The following RCAN2 variants were observed in gnomAD, a reference collection of about 807,000 sequenced individuals.
RCAN2 encodes calcipressin-2.
RCAN2 carries 9 observed loss-of-function variants against 23.6 expected under a neutral mutation model. That is an observed-to-expected ratio of 0.38 (90% CI 0.23 to 0.67). The LOEUF is 0.67. RCAN2 is among the 30% of genes least tolerant of loss of function. RCAN2 has a pLI of 0.51. For synonymous variants in RCAN2, 109 were observed against 115.7 expected (o/e 0.94, Z 0.37); for missense variants, 273 against 302.3 (o/e 0.90, Z 0.72).
Position 46,467,747 on chromosome 6 carries a change from A to T in RCAN2, c.-2-10769T>A, listed in dbSNP as rs544213952. Among the ~76,000 whole-genome samples, 10 of 152,372 alleles carry T rather than the reference A, an allele frequency of 6.6e-5. 1 individual carries two copies. In the East Asian group the frequency reaches 1.5e-3, roughly 23 times the overall value. ...CTGTTCCTTGGATTAAATGTTACAC[A>T]TCTTACCATTCTTCTCCCTCTCACC... On this transcript the variant is annotated intron_variant, in intron 1 of 4. Coordinates refer to ENST00000371374, the MANE Select transcript of RCAN2 (RefSeq NM_001251974.2).
intron 4 of RCAN2, among the ~76,000 whole-genome samples, chr6:46,232,572 A>T (rs1337590628): frequency 6.6e-6 from 1 of 152,074 alleles, no homozygotes. Context: ...TGGGCAGGTC[A>T]CTTGAGGTTG....
chr6:46,357,467 A>T (rs1209108141), intron 2 of RCAN2, among the ~76,000 whole-genome samples: 1 of 152,194 alleles, frequency 6.6e-6, no homozygotes, highest in Non-Finnish European at 1.5e-5. Context: ...TTTTGTTTTT[A>T]ATGAAGAGTC....
intron 2 of RCAN2, among the ~76,000 whole-genome samples, chr6:46,345,329 A>G (rs1764449182): frequency 6.6e-6 from 1 of 152,140 alleles, no homozygotes; most frequent in Admixed American, 6.5e-5. Flanking sequence ...TTTCTCAGAA[A>G]TTGATAGAAA....
chr6:46,324,999 G>A (rs1763743846), intron 2 of RCAN2, among the ~76,000 whole-genome samples: 1 of 152,214 alleles, frequency 6.6e-6, no homozygotes, highest in Admixed American at 6.5e-5. Context: ...CCACTGTCAG[G>A]CTGGCCTGGA....
chr6:46,317,657 G>T (rs990904188), intron 2 of RCAN2, among the ~76,000 whole-genome samples: 1 of 151,984 alleles, frequency 6.6e-6, no homozygotes, highest in South Asian at 2.1e-4. Flanking sequence ...AGTAGAGACG[G>T]GGTTTCACCG....
At chr6:46,249,734 G>A (rs1325921342) in intron 2 of RCAN2, among the ~76,000 whole-genome samples, 1 of 152,162 alleles carries the variant, frequency 6.6e-6, no homozygotes. Context: ...GTAGAGTGCA[G>A]AAGAAAGCCC....
chr6:46,406,315 C>A (rs150863169), intron 2 of RCAN2, among the ~76,000 whole-genome samples: 1 of 152,220 alleles, frequency 6.6e-6, no homozygotes, highest in African/African-American at 2.4e-5. Context: ...AGTGCCAGCA[C>A]GCTGTCACCT....
chr6:46,437,100 C>T (rs1246569168), intron 2 of RCAN2, among the ~76,000 whole-genome samples: 3 of 152,152 alleles, frequency 2.0e-5, no homozygotes, highest in Non-Finnish European at 2.9e-5. Context: ...ACTCAGAAGC[C>T]ATTAGTACTC....
At chr6:46,491,476 G>T (rs1046699103), upstream of RCAN2, 1 of 152,128 alleles carries the variant, frequency 6.6e-6, no homozygotes, top group Admixed American at 6.5e-5. Context: ...GGCGGCTCTC[G>T]CAGGAGCCGG....
In RCAN2 at chr6:46,223,063, G is replaced by C. The variant is rs373569682; in HGVS notation, c.*78C>G. The C allele has an allele frequency of 6.0e-6, 9 of 1,506,178 alleles. No homozygotes were observed. The highest frequency in any genetic ancestry group is 2.3e-5 in the East Asian group (1 of 44,164). 93.3% of individuals were successfully genotyped at this position (1,506,178 alleles called of 1,614,324 possible). ...CAACCAAACACCCAGGAATTTAAAGGCAATTTTTTTTGACAAACAACAGGG... is the reference window on the plus strand; with the variant it reads ...CAACCAAACACCCAGGAATTTAAAGCCAATTTTTTTTGACAAACAACAGGG... On this transcript the variant is annotated 3_prime_UTR_variant, in exon 5 of 5. Coordinates refer to ENST00000371374, the MANE Select transcript of RCAN2 (RefSeq NM_001251974.2).
chr6:46,266,543 A>G (rs1035133372), intron 2 of RCAN2, among the ~76,000 whole-genome samples: 1 of 152,130 alleles, frequency 6.6e-6, no homozygotes, highest in African/African-American at 2.4e-5. Context: ...GTGACCCCCA[A>G]TCTGCCTAGG....
intron 2 of RCAN2, among the ~76,000 whole-genome samples, chr6:46,263,725 T>A (rs1767222725): frequency 2.6e-5 from 2 of 75,594 alleles, no homozygotes; most frequent in African/African-American, 9.4e-5. Context: ...TAATATGATG[T>A]TGTTTCTAAA....
At position 46,263,495 on chromosome 6, in the gene RCAN2, ATG is replaced by A. The variant is rs1404616117; in HGVS notation, c.226-14601_226-14600del. Among the ~76,000 whole-genome samples, 226 of 69,848 alleles carry A rather than the reference ATG, an allele frequency of 3.2e-3. 1 individual carries two copies. Among genetic ancestry groups the A allele is most frequent in the Middle Eastern group, 0.016 (2 of 126 alleles). 45.8% of individuals were successfully genotyped at this position (69,848 alleles called of 152,430 possible). On this transcript the variant is annotated intron_variant, in intron 2 of 4. Transcript: ENST00000371374. ...TGTGTATGTGTGTGTGTGTGTGTGT[ATG>A]TGTGTATGTGTGTGTATGTGTGTAT... is the stretch of plus-strand genomic sequence containing the variant.
chr6:46,284,979 A>G (rs1015934640), intron 2 of RCAN2, among the ~76,000 whole-genome samples: 1 of 152,216 alleles, frequency 6.6e-6, no homozygotes. Flanking sequence ...TTCCACTGAA[A>G]TCAGATTCTG....
chr6:46,396,632 C>T (rs1177548752), intron 2 of RCAN2, among the ~76,000 whole-genome samples: 1 of 152,142 alleles, frequency 6.6e-6, no homozygotes, highest in Non-Finnish European at 1.5e-5. Context: ...GGTGTCTATT[C>T]TGATTGGTTA....
intron 4 of RCAN2, among the ~76,000 whole-genome samples, chr6:46,243,382 G>A (rs1766375823): frequency 6.6e-6 from 1 of 152,094 alleles, no homozygotes; most frequent in African/African-American, 2.4e-5. Context: ...CTGTTCCATG[G>A]ACACAATATC....
chr6:46,289,547 A>G (rs1235989963), intron 2 of RCAN2, among the ~76,000 whole-genome samples: 1 of 152,208 alleles, frequency 6.6e-6, no homozygotes, highest in Non-Finnish European at 1.5e-5. Context: ...TATGAGGACA[A>G]TGGGTATCAC....
intron 2 of RCAN2, among the ~76,000 whole-genome samples, chr6:46,420,179 A>C (rs567651304): frequency 3.5e-4 from 54 of 152,298 alleles, no homozygotes; most frequent in South Asian, 2.9e-3. Flanking sequence ...CATTAAAAAA[A>C]AAAACAAAAC....
chr6:46,253,925 T>C (rs557661427), intron 2 of RCAN2, among the ~76,000 whole-genome samples: 7 of 152,320 alleles, frequency 4.6e-5, no homozygotes, highest in African/African-American at 2.4e-5. Context: ...GGCTGTACCA[T>C]AGAGCTTGGA....
Sources: gnomAD v4.1 joint callset for allele counts (sites outside exome capture counted in the v4.1 genomes callset) on GRCh38, gnomAD v4.1.1 for gene constraint, MANE v1.5 for transcripts, NCBI Gene and HGNC (gene_info 2026-07-23, HGNC 2026-07-21) for gene names.